Variants in PPFIBP1 observed in about 807,000 individuals in gnomAD.
PPFIBP1 encodes PPFIB scaffold protein 1, also known as liprin-beta-1.
PPFIBP1 carries 112 observed loss-of-function variants against 137.8 expected under a neutral mutation model. The ratio of observed to expected loss-of-function variants is 0.81; its 90% confidence interval spans 0.70 to 0.95. PPFIBP1 has a LOEUF of 0.95. Ranked by LOEUF, PPFIBP1 falls within the 40% of genes least tolerant of loss-of-function variation. The pLI, the probability that PPFIBP1 is intolerant of heterozygous loss-of-function variation, is 0.00. For missense variants in PPFIBP1, 1,083 were observed against 1,196.6 expected, an observed-to-expected ratio of 0.91 and a Z score of 1.40; for synonymous variants, 378 against 417.3, an observed-to-expected ratio of 0.91 and a Z score of 1.15.
At chr12:27,672,817 C>T (rs1266232753) in intron 15 of PPFIBP1, among the ~76,000 whole-genome samples, 4 of 152,092 alleles carry the variant, frequency 2.6e-5, no homozygotes, top group Non-Finnish European at 4.4e-5. Context: ...AGTGGGAAGG[C>T]ATCACAGGGA....
At chr12:27,663,319 C>T (rs924585764) in intron 11 of PPFIBP1, among the ~76,000 whole-genome samples, 6 of 152,140 alleles carry the variant, frequency 3.9e-5, no homozygotes, top group African/African-American at 1.2e-4. Flanking sequence ...CTAGGGAGGC[C>T]ATTTTCATAA....
At chr12:27,605,314 A>T (rs2054415590) in intron 2 of PPFIBP1, among the ~76,000 whole-genome samples, 2 of 152,198 alleles carry the variant, frequency 1.3e-5, no homozygotes, top group Admixed American at 1.3e-4. Flanking sequence ...AAACCTACCA[A>T]GAGCAAAACT....
intron 1 of PPFIBP1, among the ~76,000 whole-genome samples, chr12:27,539,193 T>C (rs1339448915): frequency 5.3e-5 from 8 of 152,176 alleles, no homozygotes; most frequent in Non-Finnish European, 8.8e-5. Context: ...AATCATACTT[T>C]GAAAGGCAAA....
intron 13 of PPFIBP1, among the ~76,000 whole-genome samples, chr12:27,668,306 A>G (rs1006333723): frequency 2.0e-5 from 3 of 152,152 alleles, no homozygotes; most frequent in Non-Finnish European, 2.9e-5. Flanking sequence ...AGAGCTGTGG[A>G]TTTCAAGGAC....
chr12:27,593,675 CTCTT>C (rs2052814830), intron 2 of PPFIBP1: 1 of 556,870 alleles, frequency 1.8e-6, no homozygotes, highest in South Asian at 2.3e-5. Context: ...GTTTTGTCCT[CTCTT>C]TTGGGAACTT....
intron 2 of PPFIBP1, among the ~76,000 whole-genome samples, chr12:27,623,658 C>T (rs1592934457): frequency 1.3e-5 from 2 of 151,868 alleles, no homozygotes; most frequent in South Asian, 2.1e-4. Context: ...CAGTGAGCCG[C>T]GATCATGCCA....
rs1269713665 is a variant in PPFIBP1 at position 27,654,544 on chromosome 12, A to T, written c.604-178A>T. On this transcript the variant is annotated intron_variant, in intron 7 of 29. Coordinates refer to ENST00000228425, the MANE Select transcript of PPFIBP1 (RefSeq NM_003622.4). ...ATTGGGGATTTAAAGGAATGTTTTA[A>T]ATGGAAAGATGCCTTCGTTCTTAAG... 6 of 749,464 alleles carry T rather than the reference A, an allele frequency of 8.0e-6. No individual in the cohort carries two copies. The East Asian group carries it at 1.9e-4, about 24-fold the overall frequency. The allele number at this position is 749,464 out of a possible 1,614,324, so 46.4% of individuals were successfully genotyped here. A position where few individuals can be genotyped will look rare whatever the true frequency, so the allele number is the denominator to read the frequency against.
chr12:27,537,776 G>A (rs926199279), intron 1 of PPFIBP1, among the ~76,000 whole-genome samples: 11 of 151,850 alleles, frequency 7.2e-5, no homozygotes, highest in Admixed American at 1.3e-4. Context: ...GGCATGGGGA[G>A]AAAGATGCCC....
At chr12:27,588,624 G>T (rs1322565958) in intron 2 of PPFIBP1, among the ~76,000 whole-genome samples, 1 of 152,148 alleles carries the variant, frequency 6.6e-6, no homozygotes. Flanking sequence ...TTATTTTAAA[G>T]ATTTGTACTT....
Position 27,693,327 on chromosome 12 carries a change from AAATGCCAGCC to A in PPFIBP1, c.*447_*456del, listed in dbSNP as rs1257474304. On this transcript the variant is annotated 3_prime_UTR_variant, in exon 30 of 30. Coordinates refer to ENST00000228425, the MANE Select transcript of PPFIBP1 (RefSeq NM_003622.4). ...TCTTTAAGCATTCAGTGTGCCCACT[AAATGCCAGCC>A]ACACCTCCACTTGCCTCTTATTGTC... The A allele has an allele frequency of 6.5e-6, 1 of 153,850 alleles. No individual in the cohort carries two copies. The highest frequency in any genetic ancestry group is 1.5e-5 in the Non-Finnish European group (1 of 68,956). The allele number at this position is 153,850 out of a possible 1,614,324, so 9.5% of individuals were successfully genotyped here.
chr12:27,673,846 G>C lies in PPFIBP1; in HGVS notation c.1380+19G>C, dbSNP rs770438509. ...TGATGGGGTGGGTTCTGTGTTTTTT[G>C]TTTTTTTTTGTCTGTTATCCTGAGA... On this transcript the variant is annotated intron_variant, in intron 16 of 29. Coordinates refer to ENST00000228425, the MANE Select transcript of PPFIBP1 (RefSeq NM_003622.4). 2 of 1,583,016 alleles carry C rather than the reference G, an allele frequency of 1.3e-6. No individual in the cohort carries two copies. Among genetic ancestry groups the C allele is most frequent in the African/African-American group, 1.4e-5 (1 of 73,418 alleles).
At chr12:27,592,108 A>AG (rs762272244) in intron 2 of PPFIBP1, among the ~76,000 whole-genome samples, 3 of 152,240 alleles carry the variant, frequency 2.0e-5, no homozygotes, top group Non-Finnish European at 4.4e-5. Flanking sequence ...TTCCCTTGGA[A>AG]GTGCATCTTC....
chr12:27,596,019 G>A (rs1046989311), intron 2 of PPFIBP1, among the ~76,000 whole-genome samples: 29 of 149,344 alleles, frequency 1.9e-4, no homozygotes, highest in Admixed American at 4.0e-4. Flanking sequence ...TGGCTAAGAT[G>A]GTTCCCGTCC....
intron 2 of PPFIBP1, among the ~76,000 whole-genome samples, chr12:27,579,218 T>A (rs1457288908): frequency 6.6e-6 from 1 of 152,224 alleles, no homozygotes; most frequent in Non-Finnish European, 1.5e-5. Flanking sequence ...ATGAGCTATC[T>A]AAGGTCCATG....
chr12:27,543,792 C>T (rs1286505284), intron 1 of PPFIBP1, among the ~76,000 whole-genome samples: 1 of 151,918 alleles, frequency 6.6e-6, no homozygotes, highest in African/African-American at 2.4e-5. Context: ...AATGCCTCAC[C>T]CAATTGTAAT....
intron 18 of PPFIBP1, 67 bp from the exon 19 acceptor site, chr12:27,676,996 AT>A: frequency 6.2e-7 from 1 of 1,609,942 alleles, no homozygotes; most frequent in Non-Finnish European, 8.5e-7. Context: ...TCTGCATTTC[AT>A]TTTGTCATCT....
At chr12:27,664,936 C>G (rs2059771541) in intron 12 of PPFIBP1, among the ~76,000 whole-genome samples, 1 of 152,096 alleles carries the variant, frequency 6.6e-6, no homozygotes, top group Non-Finnish European at 1.5e-5. Flanking sequence ...GGCTGTAATC[C>G]CAGCACTTTG....
At chr12:27,612,934 A>G (rs2055313767) in intron 2 of PPFIBP1, among the ~76,000 whole-genome samples, 1 of 18,544 alleles carries the variant, frequency 5.4e-5, no homozygotes, top group African/African-American at 9.0e-5. Flanking sequence ...ACACATCATC[A>G]TCATCATCAT....
chr12:27,647,132 A>C (rs552954074), intron 5 of PPFIBP1, among the ~76,000 whole-genome samples: 1 of 152,004 alleles, frequency 6.6e-6, no homozygotes, highest in African/African-American at 2.4e-5. Context: ...CTCCTGAGTA[A>C]CTGGGATTAC....
Sources: allele counts gnomAD v4.1 joint callset (sites outside exome capture counted in the v4.1 genomes callset), GRCh38; gene constraint gnomAD v4.1.1; transcripts MANE v1.5; gene names NCBI Gene and HGNC (gene_info 2026-07-23, HGNC 2026-07-21).